The following VWA5B1 variants were observed in gnomAD, a reference collection of about 807,000 sequenced individuals.
The protein encoded by VWA5B1 is von Willebrand factor A domain containing 5B1.
In VWA5B1, 115 loss-of-function variants were observed where a neutral mutation model predicts 118.2. The ratio of observed to expected loss-of-function variants is 0.97; its 90% CI spans 0.84 to 1.14. The LOEUF (loss-of-function observed/expected upper bound fraction) is 1.14. Among genes scored for constraint, VWA5B1 ranks in the 50% most tolerant of loss-of-function variants. The pLI, the probability that VWA5B1 is intolerant of heterozygous loss-of-function variation, is 0.00. For missense variants in VWA5B1, 1,596 were observed against 1,603.8 expected, an observed-to-expected ratio of 1.00 and a Z score of 0.08; for synonymous variants, 682 against 658.4, an observed-to-expected ratio of 1.04 and a Z score of -0.55.
intron 11 of VWA5B1, among the ~76,000 whole-genome samples, chr1:20,331,651 G>A (rs980306289): frequency 2.5e-4 from 38 of 152,126 alleles, no homozygotes; most frequent in African/African-American, 7.5e-4. Flanking sequence ...TGGAGCAAAG[G>A]TTGCCCATCA....
chr1:20,342,378 C>G (rs1268441168), intron 14 of VWA5B1, 54 bp from the exon 15 acceptor site: 3 of 1,531,048 alleles, frequency 2.0e-6, no homozygotes, highest in Non-Finnish European at 2.6e-6. Context: ...CCTTCTCCTC[C>G]TCCTCCTCCT....
intron 14 of VWA5B1, chr1:20,339,333 G>A (rs2089812564): frequency 6.6e-6 from 1 of 152,222 alleles, no homozygotes; most frequent in Non-Finnish European, 1.5e-5. Context: ...CGTGAGCCCA[G>A]GAGTTCCAGA....
intron 1 of VWA5B1, chr1:20,303,465 G>A (rs2088556192): frequency 6.6e-6 from 1 of 152,406 alleles, no homozygotes; most frequent in Admixed American, 6.5e-5. Context: ...GTCAGGGTCA[G>A]GGGTTACTAA....
rs2090225846 is a variant in VWA5B1, at chr1:20,356,139, C to T, written c.*1876C>T. On this transcript the variant is annotated 3_prime_UTR_variant, in exon 22 of 22. Coordinates refer to ENST00000289815, the MANE Select transcript of VWA5B1 (RefSeq NM_001039500.3). ...TGCCAAAATCACTTCTTTAGCTATG[C>T]AGGCAGCAGCCTCAGCTTCAGGGTA... 6.6e-6 allele frequency among the ~76,000 whole-genome samples: 1 copy of T among 152,214 alleles called. No homozygotes were observed. The highest frequency in any genetic ancestry group is 1.5e-5 in the Non-Finnish European group (1 of 68,024).
chr1:20,318,540 T>C, intron 5 of VWA5B1, 50 bp from the exon 6 acceptor site: 3 of 1,548,082 alleles, frequency 1.9e-6, no homozygotes, highest in Non-Finnish European at 2.6e-6. Flanking sequence ...AACTCCTCTC[T>C]CTCCTGACCT....
intron 7 of VWA5B1, among the ~76,000 whole-genome samples, chr1:20,320,527 C>T (rs1040173314): frequency 1.3e-5 from 2 of 152,254 alleles, no homozygotes; most frequent in African/African-American, 4.8e-5. Flanking sequence ...CTGAGAACTG[C>T]TGCCTATGGG....
intron 12 of VWA5B1, among the ~76,000 whole-genome samples, chr1:20,334,071 T>C (rs2089647138): frequency 6.6e-6 from 1 of 152,236 alleles, no homozygotes; most frequent in Non-Finnish European, 1.5e-5. Flanking sequence ...GGGCAGCCCC[T>C]ACGCAGCCCT....
intron 11 of VWA5B1, among the ~76,000 whole-genome samples, chr1:20,332,546 A>AAATAAAAT (rs1220141475): frequency 2.0e-5 from 3 of 147,664 alleles, no homozygotes; most frequent in African/African-American, 7.7e-5. Context: ...AAATAAAATA[A>AAATAAAAT]AATGCTAAGC....
At chr1:20,345,361 C>A in intron 16 of VWA5B1, 95 bp from the exon 17 acceptor site, 1 of 1,502,112 alleles carries the variant, frequency 6.7e-7, no homozygotes, top group Non-Finnish European at 9.0e-7. Flanking sequence ...AAGATGGGGA[C>A]CACTTAGGTA....
intron 1 of VWA5B1, among the ~76,000 whole-genome samples, chr1:20,307,573 G>A (rs2088696431): frequency 6.6e-6 from 1 of 152,214 alleles, no homozygotes; most frequent in African/African-American, 2.4e-5. Flanking sequence ...CATTTTCAGT[G>A]TTTAATAAAT....
Position 20,292,091 on chromosome 1 carries a change from CT to C in VWA5B1, c.-27+1010del, listed in dbSNP as rs372779571. On this transcript the variant is annotated intron_variant, in intron 1 of 21. Coordinates refer to ENST00000289815, the MANE Select transcript of VWA5B1 (RefSeq NM_001039500.3). ...CTTTCTTTTTCTCTCTTTCTTTTTTCTTTTTTTCTTTTTCTTTCCCTCTGTC... is the reference window on the plus strand; with the variant it reads ...CTTTCTTTTTCTCTCTTTCTTTTTTCTTTTTTCTTTTTCTTTCCCTCTGTC... Among the ~76,000 whole-genome samples, 347 of 152,164 alleles carry C rather than the reference CT, an allele frequency of 2.3e-3. 1 individual carries two copies. The highest frequency in any genetic ancestry group is 8.0e-3 in the African/African-American group (332 of 41,536).
Position 20,344,408 on chromosome 1 carries a change from C to T in VWA5B1, c.2626+1015C>T, listed in dbSNP as rs184669610. ...CTGGGGGCCAGGCTCCCACTGGGCC[C>T]GGTAAACCAGCTGAACAGCCCAGTG... On this transcript the variant is annotated intron_variant, in intron 16 of 21. Transcript: ENST00000289815. Among the ~76,000 whole-genome samples, 544 of 152,320 alleles carry T rather than the reference C, an allele frequency of 3.6e-3. 2 individuals are homozygous for T. The highest frequency in any genetic ancestry group is 5.6e-3 in the Admixed American group (86 of 15,294).
intron 8 of VWA5B1, among the ~76,000 whole-genome samples, chr1:20,324,587 T>G (rs570650868): frequency 6.6e-6 from 1 of 152,330 alleles, no homozygotes; most frequent in South Asian, 2.1e-4. Flanking sequence ...AAAGGATAAC[T>G]GAGTTCAGGA....
chr1:20,348,142 A>G, intron 17 of VWA5B1, 103 bp from the exon 18 acceptor site: 1 of 1,101,638 alleles, frequency 9.1e-7, no homozygotes, highest in Non-Finnish European at 1.3e-6. Flanking sequence ...CCTTTGGATA[A>G]TTGAAAGATT....
intron 17 of VWA5B1, among the ~76,000 whole-genome samples, chr1:20,346,015 GA>G (rs1162938195): frequency 6.6e-6 from 1 of 152,170 alleles, no homozygotes; most frequent in Non-Finnish European, 1.5e-5. Context: ...AGCATGTAGA[GA>G]AATCAAAAGA....
Position 20,353,941 on chromosome 1 carries a change from A to C in VWA5B1, c.3326A>C (p.His1109Pro), listed in dbSNP as rs1344734572. ...CTGTGCACCAGCTCCCCGCCTAGGC[A>C]CCCGTCCTGTGACAGCTTCTCCCTG... The part of the protein sequence containing the change: ...PQLCTSSPPR[H>P]PSCDSFSLEP... The change falls in exon 22 of 22, where the codon CAC (histidine) becomes CCC (proline). Residue 1109 changes from histidine (H) to proline (P), a missense_variant. Transcript: ENST00000289815. The C allele has an allele frequency of 6.4e-7, 1 of 1,551,164 alleles. No individual in the cohort carries two copies. Among genetic ancestry groups the C allele is most frequent in the Admixed American group, 2.0e-5 (1 of 50,970 alleles).
At chr1:20,311,488 G>A (rs2088847067) in intron 2 of VWA5B1, among the ~76,000 whole-genome samples, 1 of 152,210 alleles carries the variant, frequency 6.6e-6, no homozygotes, top group African/African-American at 2.4e-5. Flanking sequence ...GATTGTGGCG[G>A]AGCAGATGAG....
chr1:20,349,602 C>T (rs964901098), intron 18 of VWA5B1, among the ~76,000 whole-genome samples: 9 of 151,906 alleles, frequency 5.9e-5, no homozygotes, highest in Non-Finnish European at 1.2e-4. Flanking sequence ...AGGCTGGTCG[C>T]GAACTCCTGA....
intron 9 of VWA5B1, among the ~76,000 whole-genome samples, chr1:20,329,607 T>A (rs1412919375): frequency 6.6e-6 from 1 of 152,126 alleles, no homozygotes; most frequent in African/African-American, 2.4e-5. Flanking sequence ...CAAGGGTGGA[T>A]GTTGAAATAG....
Sources: allele counts gnomAD v4.1 joint callset (sites outside exome capture counted in the v4.1 genomes callset), GRCh38; gene constraint gnomAD v4.1.1; transcripts MANE v1.5; gene names NCBI Gene and HGNC (gene_info 2026-07-23, HGNC 2026-07-21).